TAC4: variants seen among roughly 807,000 people sequenced by gnomAD.
TAC4 encodes the protein tachykinin-4.
TAC4 carries 17 observed loss-of-function variants against 17.7 expected under a neutral mutation model. The ratio of observed to expected loss-of-function variants is 0.96; its 90% confidence interval spans 0.66 to 1.44. The LOEUF is 1.44. Among genes scored for constraint, TAC4 ranks in the 40% most tolerant of loss-of-function variants. TAC4 has a pLI of 0.00. For missense variants in TAC4, 118 were observed against 125.6 expected (o/e 0.94, Z 0.29); for synonymous variants, 62 against 52.4 (o/e 1.18, Z -0.79).
intron 4 of TAC4, among the ~76,000 whole-genome samples, chr17:49,839,209 G>A (rs1389944718): frequency 6.6e-6 from 1 of 152,186 alleles, no homozygotes; most frequent in Non-Finnish European, 1.5e-5. Context: ...TCCGGTGGAA[G>A]AGGTTAGGCA....
intron 1 of TAC4, chr17:49,847,129 C>T: frequency 7.8e-7 from 1 of 1,289,910 alleles, no homozygotes. Context: ...CCCAGGACCG[C>T]AAGCCAAGGC....
chr17:49,846,293 T>C (rs76617633), intron 1 of TAC4: 1 of 980,284 alleles, frequency 1.0e-6, no homozygotes, highest in Admixed American at 2.4e-5. Context: ...TTTTTTTTTT[T>C]TGAGACAGGG....
intron 2 of TAC4, among the ~76,000 whole-genome samples, chr17:49,842,783 A>G (rs1161294247): frequency 6.6e-6 from 1 of 152,082 alleles, no homozygotes; most frequent in Non-Finnish European, 1.5e-5. Context: ...TTACAGTTTG[A>G]TATTTATCCT....
chr17:49,844,153 C>T lies in TAC4; in HGVS notation c.110G>A (p.Gly37Asp). The T allele has an allele frequency of 6.2e-7, 1 of 1,613,756 alleles. No homozygotes were observed. ...CTGGAGCTGAATGCTGGGGCCAGCG[C>T]CTTCCTGAAGAAGCAGAGAGTTAGT... is the stretch of plus-strand genomic sequence containing the variant. ...TLSTEAETWE[G>D]AGPSIQLQLQ... is the part of the protein sequence containing the mutation. The change falls in exon 2 of 5, where the codon GGC becomes GAC. Residue 37 changes from glycine to aspartate, a missense_variant. Coordinates refer to ENST00000436235, the MANE Select transcript of TAC4 (RefSeq NM_001077506.2).
intron 1 of TAC4, chr17:49,846,836 T>C: frequency 1.3e-6 from 1 of 767,558 alleles, no homozygotes; most frequent in Middle Eastern, 3.0e-4. Context: ...GGCTTCTGTC[T>C]CTAGACCAGG....
intron 1 of TAC4, 63 bp downstream of exon 1, chr17:49,847,850 T>C: frequency 6.2e-7 from 1 of 1,612,110 alleles, no homozygotes; most frequent in Non-Finnish European, 8.5e-7. Context: ...GCCTCTGCAC[T>C]GCCGATTATC....
At chr17:49,840,948 C>T (rs1385118288) in intron 3 of TAC4, among the ~76,000 whole-genome samples, 3 of 133,928 alleles carry the variant, frequency 2.2e-5, no homozygotes, top group East Asian at 4.5e-4. Context: ...AGGCTGGACT[C>T]GGCTCACTGC....
intron 1 of TAC4, 115 bp downstream of exon 1, chr17:49,847,798 G>T: frequency 6.4e-7 from 1 of 1,573,124 alleles, no homozygotes; most frequent in South Asian, 1.1e-5. Context: ...AACTTGCCTT[G>T]CAGACTGCCT....
At chr17:49,839,656 C>T (rs1384839020) in intron 4 of TAC4, among the ~76,000 whole-genome samples, 194 bp downstream of exon 4, 1 of 152,030 alleles carries the variant, frequency 6.6e-6, no homozygotes, top group African/African-American at 2.4e-5. Flanking sequence ...GGGGAGGGTG[C>T]AGCTTCTGGG....
chr17:49,846,117 G>A, intron 1 of TAC4: 1 of 926,624 alleles, frequency 1.1e-6, no homozygotes, highest in African/African-American at 1.7e-5. Context: ...GGCATTCGGA[G>A]ACATTGGTTT....
chr17:49,845,842 A>G (rs2074534017), intron 1 of TAC4: 1 of 172,226 alleles, frequency 5.8e-6, no homozygotes, highest in East Asian at 1.9e-4. Flanking sequence ...TAAGCCTTGG[A>G]CTAATTCACT....
chr17:49,840,858 A>C (rs544185601), intron 3 of TAC4, among the ~76,000 whole-genome samples: 1 of 148,636 alleles, frequency 6.7e-6, no homozygotes, highest in Non-Finnish European at 1.5e-5. Flanking sequence ...TGAAAGATTT[A>C]AGCAGAGTAG....
At chr17:49,847,609 A>G in intron 1 of TAC4, 1 of 378,980 alleles carries the variant, frequency 2.6e-6, no homozygotes, top group South Asian at 2.3e-5. Flanking sequence ...GGATTGAGTT[A>G]ATATTTATAA....
chr17:49,838,610 C>T lies in TAC4; in HGVS notation c.*32G>A, dbSNP rs537974826. The T allele has an allele frequency of 2.5e-6, 4 of 1,613,534 alleles. No homozygotes were observed. Among genetic ancestry groups the T allele is most frequent in the African/African-American group, 1.3e-5 (1 of 74,870 alleles). On this transcript the variant is annotated 3_prime_UTR_variant, in exon 5 of 5. Transcript: ENST00000436235. ...ACATCCAGGTAGGAAGAAGCGGCAC[C>T]GTGTCCTCTGGGAAGTCTGTGGTGG... is the stretch of plus-strand genomic sequence containing the variant.
intron 2 of TAC4, among the ~76,000 whole-genome samples, chr17:49,843,107 A>G (rs2074510856): frequency 6.6e-6 from 1 of 152,206 alleles, no homozygotes; most frequent in African/African-American, 2.4e-5. Flanking sequence ...CTGAAAAGCG[A>G]GACTCTGGGT....
intron 1 of TAC4, chr17:49,847,128 G>T (rs751503039): frequency 3.9e-6 from 5 of 1,289,706 alleles, no homozygotes; most frequent in African/African-American, 3.0e-5. Context: ...GCCCAGGACC[G>T]CAAGCCAAGG....
chr17:49,847,888 A>G, intron 1 of TAC4, 25 bp downstream of exon 1: 1 of 1,613,428 alleles, frequency 6.2e-7, no homozygotes, highest in Non-Finnish European at 8.5e-7. Flanking sequence ...CCTCTCCCCA[A>G]AAGTACCTCC....
chr17:49,842,664 G>A (rs1354321339), intron 2 of TAC4, among the ~76,000 whole-genome samples: 2 of 152,042 alleles, frequency 1.3e-5, no homozygotes, highest in African/African-American at 4.8e-5. Context: ...TACAAAAGCA[G>A]TCCTTGAATA....
intron 2 of TAC4, among the ~76,000 whole-genome samples, chr17:49,842,337 C>T (rs2074504609): frequency 6.6e-6 from 1 of 151,398 alleles, no homozygotes; most frequent in Admixed American, 6.6e-5. Context: ...GAGACCAGCC[C>T]GGCCAACATA....
Sources: gnomAD v4.1 joint callset for allele counts (sites outside exome capture counted in the v4.1 genomes callset) on GRCh38, gnomAD v4.1.1 for gene constraint, MANE v1.5 for transcripts, NCBI Gene and HGNC (gene_info 2026-07-23, HGNC 2026-07-21) for gene names.